Variants in C3orf85 observed in about 807,000 individuals in gnomAD.
C3orf85 encodes uncharacterized protein C3orf85.
In C3orf85, 1 loss-of-function variant was observed where a neutral mutation model predicts 1.7. That is an observed-to-expected ratio of 0.60 (90% CI 0.21 to 2.86). The LOEUF is 2.86. C3orf85 is among the 30% of genes most tolerant of loss of function. C3orf85 has a pLI of 0.22. For synonymous variants in C3orf85, 17 were observed against 8.0 expected, an observed-to-expected ratio of 2.13 and a Z score of -1.90; for missense variants, 29 against 21.3, an observed-to-expected ratio of 1.36 and a Z score of -0.72.
chr3:109,148,609 T>C, intron 3 of C3orf85: 1 of 492,840 alleles, frequency 2.0e-6, no homozygotes, highest in Non-Finnish European at 3.6e-6. Context: ...GCCTTTCCCT[T>C]CTTCTCAGGG....
At chr3:109,143,998 TAA>T (rs970315380) in intron 2 of C3orf85, among the ~76,000 whole-genome samples, 3 of 151,974 alleles carry the variant, frequency 2.0e-5, no homozygotes, top group African/African-American at 7.3e-5. Flanking sequence ...ATGATGTGAG[TAA>T]AAAAAGGGGC....
At chr3:109,137,637 G>GTGTATATATATATATATATATATATA (rs751674362) in intron 2 of C3orf85, among the ~76,000 whole-genome samples, 3 of 79,904 alleles carry the variant, frequency 3.8e-5, no homozygotes, top group East Asian at 4.4e-4. Context: ...GTGTGTGTGT[G>GTGTATATATATATATATATATATATA]TATATATATA....
chr3:109,137,144 GC>G (rs1302101293), intron 2 of C3orf85, among the ~76,000 whole-genome samples: 1 of 151,818 alleles, frequency 6.6e-6, no homozygotes, highest in Non-Finnish European at 1.5e-5. Context: ...TTGCTAAGAA[GC>G]CTAATTGCTG....
At chr3:109,143,081 T>G (rs1044438148) in intron 2 of C3orf85, among the ~76,000 whole-genome samples, 2 of 152,168 alleles carry the variant, frequency 1.3e-5, no homozygotes, top group African/African-American at 2.4e-5. Context: ...TTCTTGGATT[T>G]ACAAATTAAG....
chr3:109,146,468 C>G (rs1325608590), intron 2 of C3orf85: 1 of 152,192 alleles, frequency 6.6e-6, no homozygotes, highest in Non-Finnish European at 1.5e-5. Flanking sequence ...TTGGGAGTGG[C>G]TTAGCTCAGT....
intron 2 of C3orf85, among the ~76,000 whole-genome samples, chr3:109,137,637 G>A (rs62274704): frequency 0.039 from 3,077 of 79,740 alleles, 138 homozygotes; most frequent in East Asian, 0.12. Context: ...GTGTGTGTGT[G>A]TATATATATA....
intron 2 of C3orf85, among the ~76,000 whole-genome samples, chr3:109,143,988 A>T (rs1425898900): frequency 1.3e-5 from 2 of 152,222 alleles, no homozygotes; most frequent in Non-Finnish European, 2.9e-5. Context: ...AAAGCTGACT[A>T]TGATGTGAGT....
intron 2 of C3orf85, among the ~76,000 whole-genome samples, chr3:109,144,922 A>T (rs1400306267): frequency 2.6e-5 from 4 of 152,250 alleles, no homozygotes; most frequent in Non-Finnish European, 5.9e-5. Context: ...AATATGTAAC[A>T]CTGTAACACA....
chr3:109,138,474 C>T (rs551555765), intron 2 of C3orf85, among the ~76,000 whole-genome samples: 1 of 152,286 alleles, frequency 6.6e-6, no homozygotes, highest in Non-Finnish European at 1.5e-5. Context: ...TTCTTTTCCT[C>T]CACATTTTCT....
chr3:109,144,342 A>G (rs532429874), intron 2 of C3orf85, among the ~76,000 whole-genome samples: 1 of 152,306 alleles, frequency 6.6e-6, no homozygotes, highest in African/African-American at 2.4e-5. Flanking sequence ...CCACTGACTT[A>G]CTATATGACC....
chr3:109,147,256 T>C (rs557649674), intron 2 of C3orf85, among the ~76,000 whole-genome samples: 1 of 152,314 alleles, frequency 6.6e-6, no homozygotes, highest in East Asian at 1.9e-4. Flanking sequence ...TGCCTCGTTT[T>C]GTCTTTTATC....
intron 2 of C3orf85, among the ~76,000 whole-genome samples, chr3:109,139,370 G>A (rs1706714684): frequency 6.6e-6 from 1 of 152,278 alleles, no homozygotes; most frequent in South Asian, 2.1e-4. Flanking sequence ...TGACAAAATT[G>A]AGCAGAACCA....
At chr3:109,147,272 C>T (rs911591379) in intron 2 of C3orf85, among the ~76,000 whole-genome samples, 9 of 152,110 alleles carry the variant, frequency 5.9e-5, no homozygotes, top group Non-Finnish European at 4.4e-5. Flanking sequence ...TTATCTTTGA[C>T]CCTGGATCCC....
chr3:109,138,030 T>A, intron 2 of C3orf85, among the ~76,000 whole-genome samples: 1 of 152,148 alleles, frequency 6.6e-6, no homozygotes, highest in South Asian at 2.1e-4. Context: ...TGCTGGCTGG[T>A]CCACATTCAC....
intron 2 of C3orf85, among the ~76,000 whole-genome samples, chr3:109,147,056 C>A (rs751180683): frequency 2.6e-4 from 39 of 152,152 alleles, no homozygotes; most frequent in Non-Finnish European, 4.7e-4. Context: ...TACTGAAACA[C>A]ATCATTCCTC....
In C3orf85 at chr3:109,144,441, G is replaced by A. The variant is rs899968605; in HGVS notation, c.50-3812G>A. ...CTAGTTTCTGTCTCTCTCATGGGTG[G>A]TGTTATCATCATCATCAATTAAGAT... On this transcript the variant is annotated intron_variant, in intron 2 of 3. Coordinates refer to ENST00000622536, the MANE Select transcript of C3orf85 (RefSeq NM_001351622.2). Among the ~76,000 whole-genome samples, 8 of 152,140 alleles carry A rather than the reference G, an allele frequency of 5.3e-5. No homozygotes were observed. The East Asian group carries it at 5.8e-4, about 11-fold the overall frequency.
chr3:109,148,673 G>A (rs1311939089), intron 3 of C3orf85: 5 of 333,630 alleles, frequency 1.5e-5, no homozygotes, highest in East Asian at 1.3e-4. Context: ...CAAATAAATA[G>A]CTCTCAAAAT....
chr3:109,137,507 G>A (rs1424219290), intron 2 of C3orf85, among the ~76,000 whole-genome samples: 1 of 151,384 alleles, frequency 6.6e-6, no homozygotes, highest in African/African-American at 2.4e-5. Context: ...TATTTCTGAT[G>A]CAGATGCTTA....
intron 2 of C3orf85, among the ~76,000 whole-genome samples, chr3:109,147,158 C>T (rs895903248): frequency 2.0e-5 from 3 of 152,086 alleles, no homozygotes; most frequent in Admixed American, 6.6e-5. Flanking sequence ...CTTCCTTGAC[C>T]GAGAAAACGC....
Sources: gnomAD v4.1 joint callset for allele counts (sites outside exome capture counted in the v4.1 genomes callset) on GRCh38, gnomAD v4.1.1 for gene constraint, MANE v1.5 for transcripts, NCBI Gene and HGNC (gene_info 2026-07-23, HGNC 2026-07-21) for gene names.